Variants in HADHB observed in about 807,000 individuals in gnomAD.
HADHB encodes the protein trifunctional enzyme subunit beta, mitochondrial.
A neutral mutation model predicts 61.9 loss-of-function variants in HADHB; 50 were observed. That is an observed-to-expected ratio of 0.81 (90% CI 0.64 to 1.02). HADHB has a LOEUF of 1.02. Ranked by LOEUF, HADHB falls within the 50% of genes least tolerant of loss-of-function variation. The pLI is 0.00. For synonymous variants in HADHB, 191 were observed against 201.6 expected, an observed-to-expected ratio of 0.95 and a Z score of 0.45; for missense variants, 504 against 586.5, an observed-to-expected ratio of 0.86 and a Z score of 1.45.
chr2:26,273,620 A>G (rs1206686821), intron 5 of HADHB, 31 bp from the exon 6 acceptor site: 2 of 1,231,110 alleles, frequency 1.6e-6, no homozygotes, highest in Non-Finnish European at 2.4e-6. Context: ...GATGTGTGAA[A>G]TGTTTCTTTG....
intron 3 of HADHB, among the ~76,000 whole-genome samples, chr2:26,256,115 T>C (rs6744235): frequency 0.018 from 2,684 of 152,324 alleles, 93 homozygotes; most frequent in African/African-American, 0.062. Context: ...GTATCCCCAG[T>C]GTATAACATG....
intron 15 of HADHB, among the ~76,000 whole-genome samples, chr2:26,285,937 C>T (rs1463863686): frequency 1.3e-5 from 2 of 151,632 alleles, no homozygotes; most frequent in Non-Finnish European, 2.9e-5. Context: ...AGAGTTTCGC[C>T]ATGTTGGCCA....
At chr2:26,247,900 G>A (rs971909953) in intron 1 of HADHB, among the ~76,000 whole-genome samples, 3 of 152,018 alleles carry the variant, frequency 2.0e-5, no homozygotes, top group Non-Finnish European at 4.4e-5. Context: ...GGATACTGAG[G>A]AACAACAGTA....
At chr2:26,273,402 C>G (rs1318578542) in intron 5 of HADHB, among the ~76,000 whole-genome samples, 1 of 151,986 alleles carries the variant, frequency 6.6e-6, no homozygotes, top group East Asian at 1.9e-4. Context: ...TTATTCTATT[C>G]CAAATTATTT....
intron 6 of HADHB, among the ~76,000 whole-genome samples, chr2:26,276,036 T>C (rs1004753028): frequency 5.3e-5 from 8 of 152,180 alleles, no homozygotes; most frequent in Non-Finnish European, 7.4e-5. Context: ...GGAAGCTTTA[T>C]TTCTAAAGTA....
At chr2:26,247,399 A>G (rs1036280204) in intron 1 of HADHB, among the ~76,000 whole-genome samples, 3 of 152,258 alleles carry the variant, frequency 2.0e-5, no homozygotes, top group African/African-American at 7.2e-5. Context: ...TTGAAGGAAT[A>G]CATATTCCAT....
intron 15 of HADHB, among the ~76,000 whole-genome samples, chr2:26,288,560 C>A (rs1398197761): frequency 1.3e-5 from 2 of 151,582 alleles, no homozygotes; most frequent in African/African-American, 4.8e-5. Flanking sequence ...AATACAAAAA[C>A]TAGCTGGGCG....
chr2:26,249,847 CAAT>C (rs1462235346), intron 1 of HADHB, among the ~76,000 whole-genome samples: 1 of 151,946 alleles, frequency 6.6e-6, no homozygotes, highest in Non-Finnish European at 1.5e-5. Context: ...GTACCTGAAT[CAAT>C]GATCTTGGCA....
At chr2:26,252,379 T>TTTG (rs1447683705) in intron 1 of HADHB, among the ~76,000 whole-genome samples, 3 of 152,180 alleles carry the variant, frequency 2.0e-5, no homozygotes, top group Non-Finnish European at 4.4e-5. Context: ...GTTTTGATTT[T>TTTG]TTGTTGTTGT....
rs766742523 is a variant in HADHB at position 26,285,739 on chromosome 2, G to GTTTTTTTTTTTTTTT, written c.1389+172_1389+186dup. ...TCTGATAAAACTTTTTGTTTTTTGG[G>GTTTTTTTTTTTTTTT]TTTTTTTTTTTTTTTTTTGAGACAG... On this transcript the variant is annotated intron_variant, in intron 15 of 15. Coordinates refer to ENST00000317799, the MANE Select transcript of HADHB (RefSeq NM_000183.3). 1.7e-3 allele frequency among the ~76,000 whole-genome samples: 111 copies of GTTTTTTTTTTTTTTT among 65,084 alleles called. 28 individuals carry two copies. Among genetic ancestry groups the GTTTTTTTTTTTTTTT allele is most frequent in the African/African-American group, 3.9e-3 (59 of 15,150 alleles). 42.7% of individuals were successfully genotyped at this position (65,084 alleles called of 152,430 possible). A position where few individuals can be genotyped will look rare whatever the true frequency, so the allele number is the denominator to read the frequency against.
At chr2:26,276,353 A>G (rs1672533217) in intron 6 of HADHB, among the ~76,000 whole-genome samples, 1 of 152,094 alleles carries the variant, frequency 6.6e-6, no homozygotes, top group Non-Finnish European at 1.5e-5. Flanking sequence ...TCTGACCCTT[A>G]TTTGTTCACA....
At chr2:26,261,679 G>A (rs1441441101) in intron 3 of HADHB, 1 of 152,238 alleles carries the variant, frequency 6.6e-6, no homozygotes, top group Non-Finnish European at 1.5e-5. Flanking sequence ...GGAGGCTGAG[G>A]CAGGAGAATT....
chr2:26,260,793 C>T, intron 3 of HADHB: 1 of 563,958 alleles, frequency 1.8e-6, no homozygotes, highest in East Asian at 3.0e-5. Context: ...GTCTCACACA[C>T]CACATGGTAT....
rs1278328634 is a variant in HADHB at position 26,281,531 on chromosome 2, A to G, written c.934-1314A>G. Among the ~76,000 whole-genome samples the G allele has an allele frequency of 2.6e-5, 4 of 152,208 alleles. No homozygotes were observed. The East Asian group carries it at 7.7e-4, about 29-fold the overall frequency. The stretch of plus-strand genomic sequence containing the variant: ...ATGATAGAGCCATGTGGCATGGACT[A>G]CACTTGCCAGATCTGAATCCTTTTG... On this transcript the variant is annotated intron_variant, in intron 10 of 15. Coordinates refer to ENST00000317799, the MANE Select transcript of HADHB (RefSeq NM_000183.3).
At chr2:26,269,194 C>G (rs1489140103) in intron 4 of HADHB, among the ~76,000 whole-genome samples, 2 of 150,828 alleles carry the variant, frequency 1.3e-5, no homozygotes, top group Admixed American at 1.3e-4. Context: ...ACTCTGCTCT[C>G]TTTTTCCAAT....
rs767536972 is a variant in HADHB, at chr2:26,285,376, AT to A, written c.1225-30del. 1.0e-4 allele frequency: 162 copies of A among 1,600,178 alleles called. 1 individual carries two copies. The Admixed American group carries it at 2.7e-3, about 26-fold the overall frequency. The stretch of plus-strand genomic sequence containing the variant: ...CTTGATTCTGATCTTAAGTAAACTT[AT>A]CTTTACATTTGTGTCTTTGGGGGAG... On this transcript the variant is annotated intron_variant, in intron 14 of 15. Transcript: ENST00000317799.
Position 26,282,948 on chromosome 2 carries a change from C to T in HADHB, c.1013+24C>T, listed in dbSNP as rs761920214. The stretch of plus-strand genomic sequence containing the variant: ...AGGTAAAGTAAATGTTCAAACAAAT[C>T]ATCTCTGATTTCTTTATTTTATTAC... On this transcript the variant is annotated intron_variant, in intron 11 of 15. Coordinates refer to ENST00000317799, the MANE Select transcript of HADHB (RefSeq NM_000183.3). 3.7e-6 allele frequency: 6 copies of T among 1,601,910 alleles called. No homozygotes were observed. In the South Asian group the frequency reaches 5.5e-5, roughly 15 times the overall value.
intron 6 of HADHB, 69 bp downstream of exon 6, chr2:26,273,819 A>C (rs1254794018): frequency 1.2e-6 from 1 of 844,698 alleles, no homozygotes; most frequent in Non-Finnish European, 2.0e-6. Context: ...AATTAATAGA[A>C]GTTACTTTAC....
At chr2:26,287,936 G>C (rs1230607423) in intron 15 of HADHB, among the ~76,000 whole-genome samples, 1 of 152,148 alleles carries the variant, frequency 6.6e-6, no homozygotes, top group Non-Finnish European at 1.5e-5. Context: ...TCTAGAGCAA[G>C]AAAAAACATG....
Sources: allele counts gnomAD v4.1 joint callset (sites outside exome capture counted in the v4.1 genomes callset), GRCh38; gene constraint gnomAD v4.1.1; transcripts MANE v1.5; gene names NCBI Gene and HGNC (gene_info 2026-07-23, HGNC 2026-07-21).